Variants in KIF6 observed in about 807,000 individuals in gnomAD.
The protein encoded by KIF6 is kinesin family member 6.
KIF6 carries 106 observed loss-of-function variants against 112.7 expected under a neutral mutation model. The observed-to-expected ratio is 0.94, with a 90% confidence interval of 0.80 to 1.11. KIF6 has a LOEUF of 1.11. Among genes scored for constraint, KIF6 ranks in the 50% least tolerant of loss-of-function variants. KIF6 has a pLI of 0.00. For missense variants in KIF6, 929 were observed against 964.0 expected (o/e 0.96, Z 0.48); for synonymous variants, 339 against 339.9 (o/e 1.00, Z 0.03).
chr6:39,368,666 C>T (rs1180674071), intron 16 of KIF6, among the ~76,000 whole-genome samples: 1 of 152,178 alleles, frequency 6.6e-6, no homozygotes, highest in African/African-American at 2.4e-5. Flanking sequence ...ATGGCATTTG[C>T]AGCTTGCCTG....
intron 13 of KIF6, among the ~76,000 whole-genome samples, chr6:39,490,636 G>A (rs1048602982): frequency 6.6e-6 from 1 of 152,188 alleles, no homozygotes; most frequent in African/African-American, 2.4e-5. Flanking sequence ...GCTTGGGAAA[G>A]GGTATGCTGG....
chr6:39,394,970 G>A (rs1768153366), intron 15 of KIF6, among the ~76,000 whole-genome samples: 2 of 152,230 alleles, frequency 1.3e-5, no homozygotes, highest in Admixed American at 1.3e-4. Context: ...GATGTGCCTG[G>A]TAATTAATGA....
intron 14 of KIF6, among the ~76,000 whole-genome samples, chr6:39,420,688 C>T (rs1308505759): frequency 1.3e-5 from 2 of 152,220 alleles, no homozygotes; most frequent in Non-Finnish European, 2.9e-5. Flanking sequence ...TTCTCAAGTA[C>T]TCCTCTACCC....
At chr6:39,483,816 A>C (rs563381204) in intron 13 of KIF6, among the ~76,000 whole-genome samples, 14 of 152,206 alleles carry the variant, frequency 9.2e-5, no homozygotes, top group Non-Finnish European at 1.6e-4. Context: ...AAATGAAATG[A>C]GACAGGTTCT....
At chr6:39,473,028 A>G (rs976044005) in intron 13 of KIF6, among the ~76,000 whole-genome samples, 7 of 152,228 alleles carry the variant, frequency 4.6e-5, no homozygotes, top group African/African-American at 1.7e-4. Context: ...TTGGGATTAC[A>G]GGCATGCGCC....
chr6:39,519,288 A>T (rs1479823904), intron 13 of KIF6, among the ~76,000 whole-genome samples: 1 of 152,230 alleles, frequency 6.6e-6, no homozygotes, highest in Non-Finnish European at 1.5e-5. Flanking sequence ...TATTTCCAAA[A>T]ATAACCATAT....
At chr6:39,606,686 G>T (rs1022472214) in intron 6 of KIF6, among the ~76,000 whole-genome samples, 7 of 152,204 alleles carry the variant, frequency 4.6e-5, no homozygotes, top group African/African-American at 1.7e-4. Flanking sequence ...ACTCACCAAA[G>T]GCCATCTTCT....
chr6:39,495,784 T>C (rs1253227993), intron 13 of KIF6, among the ~76,000 whole-genome samples: 1 of 152,132 alleles, frequency 6.6e-6, no homozygotes, highest in Non-Finnish European at 1.5e-5. Flanking sequence ...TCTCACTGAG[T>C]TTCTGCCAGG....
chr6:39,389,691 T>A (rs943999224), intron 15 of KIF6, among the ~76,000 whole-genome samples: 2 of 152,176 alleles, frequency 1.3e-5, no homozygotes, highest in Admixed American at 1.3e-4. Context: ...AAGTTGGACT[T>A]GAGATGAAGC....
At chr6:39,621,932 G>A (rs1482361339) in intron 5 of KIF6, among the ~76,000 whole-genome samples, 3 of 152,204 alleles carry the variant, frequency 2.0e-5, no homozygotes, top group South Asian at 2.1e-4. Flanking sequence ...TTGGGAAGCC[G>A]AGGTGGGTGG....
intron 2 of KIF6, among the ~76,000 whole-genome samples, chr6:39,718,010 C>T (rs865975007): frequency 7.3e-4 from 110 of 150,808 alleles, no homozygotes; most frequent in African/African-American, 2.6e-3. Context: ...GCAGATCACT[C>T]GAGGTCAGGA....
intron 5 of KIF6, among the ~76,000 whole-genome samples, chr6:39,627,553 A>T (rs1002216187): frequency 6.6e-6 from 1 of 152,116 alleles, no homozygotes; most frequent in Admixed American, 6.6e-5. Context: ...CTGTGCATTA[A>T]TTTTTTTGTA....
intron 17 of KIF6, 127 bp downstream of exon 17, chr6:39,362,307 C>G: frequency 1.4e-6 from 1 of 731,970 alleles, no homozygotes; most frequent in Admixed American, 2.1e-5. Flanking sequence ...CCCTCCTCCT[C>G]CTGCTGTTCT....
In KIF6 at chr6:39,336,433, C is replaced by CCATA. The variant is rs1762913640; in HGVS notation, c.*95_*98dup. 1.7e-6 allele frequency: 2 copies of CCATA among 1,156,842 alleles called. No homozygotes were observed. The highest frequency in any genetic ancestry group is 2.5e-5 in the South Asian group (2 of 79,660). The allele number at this position is 1,156,842 out of a possible 1,614,324, so 71.7% of individuals were successfully genotyped here. A position where few individuals can be genotyped will look rare whatever the true frequency, so the allele number is the denominator to read the frequency against. ...AAAGTCACTAGTTGCTCCCAGCAGCCCATAGTTCACTTCTGAAGCCAGAGC... is the reference window on the plus strand; with the variant it reads ...AAAGTCACTAGTTGCTCCCAGCAGCCCATACATAGTTCACTTCTGAAGCCAGAGC... On this transcript the variant is annotated 3_prime_UTR_variant, in exon 23 of 23. Coordinates refer to ENST00000287152, the MANE Select transcript of KIF6 (RefSeq NM_145027.6).
chr6:39,604,303 C>T (rs1782749562), intron 6 of KIF6, among the ~76,000 whole-genome samples: 3 of 152,098 alleles, frequency 2.0e-5, no homozygotes, highest in South Asian at 4.2e-4. Flanking sequence ...TATAGTTCTT[C>T]CCATATTAAA....
intron 13 of KIF6, among the ~76,000 whole-genome samples, chr6:39,520,600 T>C (rs982811613): frequency 6.6e-6 from 1 of 152,130 alleles, no homozygotes; most frequent in Non-Finnish European, 1.5e-5. Context: ...AATCAGAAAG[T>C]GAGGAACCAA....
At chr6:39,638,623 C>T (rs749356535) in intron 4 of KIF6, among the ~76,000 whole-genome samples, 2 of 152,038 alleles carry the variant, frequency 1.3e-5, no homozygotes, top group African/African-American at 2.4e-5. Flanking sequence ...TAGAATTATG[C>T]AGATCTCAGC....
intron 12 of KIF6, 49 bp from the exon 13 acceptor site, chr6:39,540,270 C>A (rs1333054123): frequency 2.6e-6 from 3 of 1,155,032 alleles, no homozygotes; most frequent in Middle Eastern, 2.5e-4. Context: ...TTATAGTAAT[C>A]AAAACACAAA....
intron 10 of KIF6, among the ~76,000 whole-genome samples, chr6:39,561,507 A>G (rs1458254523): frequency 1.3e-5 from 2 of 151,676 alleles, no homozygotes; most frequent in Non-Finnish European, 2.9e-5. Context: ...ACAGGTCACC[A>G]CGCCCGGTTA....
Sources: gnomAD v4.1 joint callset for allele counts (sites outside exome capture counted in the v4.1 genomes callset) on GRCh38, gnomAD v4.1.1 for gene constraint, MANE v1.5 for transcripts, NCBI Gene and HGNC (gene_info 2026-07-23, HGNC 2026-07-21) for gene names.